The following STAM2 variants were observed in gnomAD, a reference collection of about 807,000 sequenced individuals.
STAM2 encodes signal transducing adaptor molecule 2, also known as signal transducing adapter molecule 2.
A neutral mutation model predicts 65.6 loss-of-function variants in STAM2; 51 were observed. That is an observed-to-expected ratio of 0.78 (90% CI 0.62 to 0.98). The LOEUF is 0.98. Among genes scored for constraint, STAM2 ranks in the 50% least tolerant of loss-of-function variants. STAM2 has a pLI of 0.00. For missense variants in STAM2, 584 were observed against 617.8 expected (o/e 0.95, Z 0.58); for synonymous variants, 198 against 208.4 (o/e 0.95, Z 0.43).
At chr2:152,153,799 T>G (rs980765536) in intron 1 of STAM2, among the ~76,000 whole-genome samples, 3 of 151,674 alleles carry the variant, frequency 2.0e-5, no homozygotes, top group South Asian at 2.1e-4. Flanking sequence ...AATTTAGAAG[T>G]ACAGACAAGG....
intron 1 of STAM2, among the ~76,000 whole-genome samples, chr2:152,171,042 G>C (rs772827855): frequency 7.2e-5 from 11 of 152,084 alleles, no homozygotes; most frequent in Admixed American, 3.3e-4. Flanking sequence ...ATGACAAAAA[G>C]ACACCATTTT....
intron 11 of STAM2, among the ~76,000 whole-genome samples, chr2:152,130,238 CTATTT>C (rs1689034214): frequency 6.6e-6 from 1 of 151,974 alleles, no homozygotes; most frequent in African/African-American, 2.4e-5. Flanking sequence ...AGTGTTGCTC[CTATTT>C]TATTTTTATT....
chr2:152,148,345 A>T (rs750194692), intron 2 of STAM2, 45 bp from the exon 3 acceptor site: 34 of 1,418,166 alleles, frequency 2.4e-5, no homozygotes, highest in Non-Finnish European at 3.3e-5. Flanking sequence ...ATTTACTGAT[A>T]AATTTAATTC....
intron 1 of STAM2, among the ~76,000 whole-genome samples, chr2:152,162,802 G>C (rs982485673): frequency 9.0e-6 from 1 of 111,000 alleles, no homozygotes; most frequent in Non-Finnish European, 1.7e-5. Context: ...CACCATGCCT[G>C]GGTAATTTTT....
chr2:152,154,712 C>T (rs1234353380), intron 1 of STAM2, among the ~76,000 whole-genome samples: 1 of 152,106 alleles, frequency 6.6e-6, no homozygotes, highest in Non-Finnish European at 1.5e-5. Flanking sequence ...AAAAATATTC[C>T]CCACTAACAT....
intron 11 of STAM2, among the ~76,000 whole-genome samples, chr2:152,127,502 C>T (rs563809133): frequency 2.6e-5 from 4 of 151,214 alleles, no homozygotes; most frequent in African/African-American, 9.7e-5. Context: ...CTCAGAACCT[C>T]TATGAAGTAC....
chr2:152,133,418 G>C lies in STAM2; in HGVS notation c.866C>G (p.Pro289Arg). Reference sequence around the variant, plus strand: ...GGACCCTACCTCATCTATATAAACAGGCTCAGGCTCTGATTTCTTAATTTC... The same window carrying C: ...GGACCCTACCTCATCTATATAAACACGCTCAGGCTCTGATTTCTTAATTTC... ...VEEIKKSEPE[P>R]VYIDEDKMDR... Residue 289 changes from proline (P) to arginine (R), a missense_variant, in exon 9 of 14, where the codon CCT becomes CGT. Physicochemically the swap from Pro to Arg is moderately radical, Grantham distance 103. Transcript: ENST00000263904. 6.2e-7 allele frequency: 1 copy of C among 1,612,418 alleles called. No homozygotes were observed. The highest frequency in any genetic ancestry group is 8.5e-7 in the Non-Finnish European group (1 of 1,179,044).
intron 1 of STAM2, among the ~76,000 whole-genome samples, chr2:152,174,162 T>C (rs772959427): frequency 6.6e-6 from 1 of 152,340 alleles, no homozygotes; most frequent in East Asian, 1.9e-4. Context: ...CAGAAAACAA[T>C]GAACTTTCAA....
intron 12 of STAM2, among the ~76,000 whole-genome samples, chr2:152,124,986 G>C (rs1008082848): frequency 3.9e-5 from 6 of 152,192 alleles, no homozygotes; most frequent in African/African-American, 1.2e-4. Context: ...GATTACGTGA[G>C]GAATCAAACA....
intron 1 of STAM2, among the ~76,000 whole-genome samples, chr2:152,151,690 T>C (rs1459549151): frequency 6.6e-6 from 1 of 152,172 alleles, no homozygotes; most frequent in African/African-American, 2.4e-5. Flanking sequence ...TTCCCAGCCC[T>C]ACGCAACCAC....
intron 11 of STAM2, among the ~76,000 whole-genome samples, chr2:152,128,058 G>A (rs760935661): frequency 2.6e-5 from 4 of 152,086 alleles, no homozygotes; most frequent in Non-Finnish European, 5.9e-5. Context: ...CTACAACAAC[G>A]AAAAGTCTTC....
chr2:152,124,220 C>A, intron 12 of STAM2: 1 of 318,238 alleles, frequency 3.1e-6, no homozygotes, highest in Non-Finnish European at 5.8e-6. Context: ...TCCAGGTTGC[C>A]TATTACTCAG....
At chr2:152,155,637 T>C (rs1208312158) in intron 1 of STAM2, among the ~76,000 whole-genome samples, 1 of 152,226 alleles carries the variant, frequency 6.6e-6, no homozygotes, top group Non-Finnish European at 1.5e-5. Context: ...GCAAATCATA[T>C]ATATTACAGC....
rs1250385154 is a variant in STAM2, at chr2:152,120,671, G to T, written c.1481C>A (p.Thr494Asn). The T allele has an allele frequency of 6.2e-7, 1 of 1,614,062 alleles. No homozygotes were observed. Among genetic ancestry groups the T allele is most frequent in the East Asian group, 2.2e-5 (1 of 44,876 alleles). The change falls in exon 14 of 14, where the codon ACT becomes AAT. Residue 494 changes from threonine (T) to asparagine (N), a missense_variant. Physicochemically the swap from Thr to Asn is moderately conservative, Grantham distance 65 (BLOSUM62 0). Coordinates refer to ENST00000263904, the MANE Select transcript of STAM2 (RefSeq NM_005843.6). ...SVDMSSYQNT[T>N]SNLPQLAGFP... ...GCCTGCCAGTTGAGGCAAATTGGAA[G>T]TAGTGTTCTGATAAGATGACATATC...
chr2:152,133,120 A>G, intron 10 of STAM2, 53 bp downstream of exon 10: 1 of 965,034 alleles, frequency 1.0e-6, no homozygotes, highest in Non-Finnish European at 1.4e-6. Context: ...AGACATCATG[A>G]ATAGCTAAAA....
At chr2:152,138,867 C>T (rs893434237) in intron 7 of STAM2, among the ~76,000 whole-genome samples, 2 of 152,072 alleles carry the variant, frequency 1.3e-5, no homozygotes, top group Non-Finnish European at 2.9e-5. Context: ...ACGAGAAAAC[C>T]CAAACCTGTG....
intron 1 of STAM2, among the ~76,000 whole-genome samples, chr2:152,159,675 G>C (rs1560221799): frequency 6.6e-6 from 1 of 152,102 alleles, no homozygotes; most frequent in Non-Finnish European, 1.5e-5. Flanking sequence ...TATGGTTATT[G>C]AAAGTTTTCC....
At chr2:152,149,679 G>C (rs1442188563) in intron 2 of STAM2, among the ~76,000 whole-genome samples, 2 of 151,992 alleles carry the variant, frequency 1.3e-5, no homozygotes, top group African/African-American at 2.4e-5. Context: ...TGTATTTCTA[G>C]TAGAGATGGG....
intron 7 of STAM2, among the ~76,000 whole-genome samples, chr2:152,139,194 A>T (rs1055621028): frequency 6.6e-6 from 1 of 152,248 alleles, no homozygotes; most frequent in African/African-American, 2.4e-5. Flanking sequence ...GAAAATTTTA[A>T]TGTAGCATTT....
Sources: allele counts gnomAD v4.1 joint callset (sites outside exome capture counted in the v4.1 genomes callset), GRCh38; gene constraint gnomAD v4.1.1; transcripts MANE v1.5; gene names NCBI Gene and HGNC (gene_info 2026-07-23, HGNC 2026-07-21).